Variants in CAAP1 observed in about 807,000 individuals in gnomAD.
CAAP1 encodes conserved anti-apoptotic protein.
A neutral mutation model predicts 34.0 loss-of-function variants in CAAP1; 20 were observed. That is an observed-to-expected ratio of 0.59 (90% CI 0.41 to 0.86). The LOEUF (loss-of-function observed/expected upper bound fraction) is 0.86. Among genes scored for constraint, CAAP1 ranks in the 40% least tolerant of loss-of-function variants. The probability of loss-of-function intolerance (pLI) is 0.00; values close to 1 mark genes in which losing one functional copy is unlikely to be tolerated. For synonymous variants in CAAP1, 213 were observed against 166.7 expected (o/e 1.28, Z -2.14); for missense variants, 538 against 450.5 (o/e 1.19, Z -1.76).
At position 26,841,410 on chromosome 9, in the gene CAAP1, TAAC is replaced by T. The variant is rs778396724; in HGVS notation, c.*888_*890del. On this transcript the variant is annotated 3_prime_UTR_variant, in exon 6 of 6. Transcript: ENST00000333916. ...AAACTATACAAAATTAGATTAATTA[TAAC>T]AACAACTTATCAAAGGTTCCTGAAA... 5.2e-5 allele frequency: 8 copies of T among 152,590 alleles called. No homozygotes were observed. Among genetic ancestry groups the T allele is most frequent in the South Asian group, 2.1e-4 (1 of 4,836 alleles). 9.5% of individuals were successfully genotyped at this position (152,590 alleles called of 1,614,324 possible).
chr9:26,849,344 C>A (rs1049431946), intron 5 of CAAP1, among the ~76,000 whole-genome samples: 1 of 152,128 alleles, frequency 6.6e-6, no homozygotes, highest in Non-Finnish European at 1.5e-5. Flanking sequence ...TCTCAAGTGC[C>A]CTAAATGGTA....
In CAAP1 at chr9:26,842,303, A is replaced by AGG; in HGVS notation, c.1082_1083dup (p.Ter362ProfsTer6). The AGG allele has an allele frequency of 6.4e-7, 1 of 1,559,710 alleles. No individual in the cohort carries two copies. The highest frequency in any genetic ancestry group is 1.4e-5 in the African/African-American group (1 of 72,714). ...AAATTCAAAATCAAGTTAAATACCT[A>AGG]GGCTGGCTTTTTTATATCACCAGCT... On this transcript the variant is annotated frameshift_variant, in exon 6 of 6. Transcript: ENST00000333916. LOFTEE classifies it high-confidence loss of function.
At chr9:26,854,319 T>G (rs948007097) in intron 5 of CAAP1, among the ~76,000 whole-genome samples, 1 of 152,212 alleles carries the variant, frequency 6.6e-6, no homozygotes, top group African/African-American at 2.4e-5. Context: ...ACAGAGAGTT[T>G]AAGTAACTTG....
chr9:26,877,175 T>A (rs1264273246), intron 4 of CAAP1, among the ~76,000 whole-genome samples: 1 of 152,156 alleles, frequency 6.6e-6, no homozygotes, highest in Non-Finnish European at 1.5e-5. Flanking sequence ...AAATATTGTA[T>A]AAAATTACCT....
chr9:26,855,525 T>C (rs541685064), intron 5 of CAAP1, among the ~76,000 whole-genome samples: 6 of 152,018 alleles, frequency 3.9e-5, no homozygotes, highest in South Asian at 4.2e-4. Context: ...TGGGGAAGAG[T>C]TGGTAAGCAG....
At chr9:26,854,110 T>C (rs1822815344) in intron 5 of CAAP1, among the ~76,000 whole-genome samples, 2 of 152,134 alleles carry the variant, frequency 1.3e-5, no homozygotes, top group African/African-American at 2.4e-5. Flanking sequence ...AACTGCCAGG[T>C]TGATACTGAG....
chr9:26,880,298 G>A (rs1823559193), intron 4 of CAAP1: 2 of 361,524 alleles, frequency 5.5e-6, no homozygotes, highest in Middle Eastern at 1.0e-3. Context: ...CGCTCTGGAC[G>A]CACTGGTCTG....
At chr9:26,875,324 T>C (rs1430207225) in intron 4 of CAAP1, among the ~76,000 whole-genome samples, 1 of 152,056 alleles carries the variant, frequency 6.6e-6, no homozygotes, top group Admixed American at 6.6e-5. Flanking sequence ...AGGTGGAGGC[T>C]GCAATGAGCT....
At chr9:26,884,715 TA>T in intron 4 of CAAP1, 94 bp downstream of exon 4, 1 of 911,966 alleles carries the variant, frequency 1.1e-6, no homozygotes, top group Non-Finnish European at 1.7e-6. Context: ...ATTTTATAAA[TA>T]AAACACAGAA....
chr9:26,849,629 T>G (rs1272318455), intron 5 of CAAP1, among the ~76,000 whole-genome samples: 1 of 152,210 alleles, frequency 6.6e-6, no homozygotes, highest in African/African-American at 2.4e-5. Context: ...TTTTTCTTGG[T>G]GGATTTCAAT....
chr9:26,861,565 A>G (rs1823002200), intron 4 of CAAP1, among the ~76,000 whole-genome samples: 1 of 152,180 alleles, frequency 6.6e-6, no homozygotes, highest in African/African-American at 2.4e-5. Context: ...TAATGTCTAC[A>G]GTATGTGGAA....
rs369741413 is a variant in CAAP1 at position 26,887,340 on chromosome 9, T to C, written c.477A>G (p.Leu159=). 5.0e-6 allele frequency: 8 copies of C among 1,605,230 alleles called. No homozygotes were observed. Among genetic ancestry groups the C allele is most frequent in the Non-Finnish European group, 6.8e-6 (8 of 1,175,140 alleles). The change falls in exon 2 of 6, where the codon TTA becomes TTG. Residue 159 remains leucine, a synonymous_variant. Coordinates refer to ENST00000333916, the MANE Select transcript of CAAP1 (RefSeq NM_024828.4). ...TTAACACATCAGGAAGCATCTTCTG[T>C]AACTTTTTCTCTCCTATAATACAGA... The part of the protein sequence containing the change: ...QCFCIIGEKK[L]QKMLPDVLKN...
chr9:26,882,922 T>C (rs1686138390), intron 4 of CAAP1, among the ~76,000 whole-genome samples: 1 of 152,198 alleles, frequency 6.6e-6, no homozygotes. Context: ...CAGACTTGCA[T>C]GGGGCCTGTA....
intron 4 of CAAP1, among the ~76,000 whole-genome samples, chr9:26,873,843 A>G (rs1035391412): frequency 5.3e-5 from 8 of 152,188 alleles, no homozygotes; most frequent in Non-Finnish European, 2.9e-5. Context: ...AATAAAATAT[A>G]AATTTGCTCA....
At chr9:26,865,627 A>T (rs1305082997) in intron 4 of CAAP1, among the ~76,000 whole-genome samples, 1 of 152,258 alleles carries the variant, frequency 6.6e-6, no homozygotes. Flanking sequence ...TTTTAGGAAC[A>T]GTCACTGTTA....
At position 26,884,543 on chromosome 9, in the gene CAAP1, G is replaced by A. The variant is rs552516720; in HGVS notation, c.665+267C>T. 7.2e-5 allele frequency among the ~76,000 whole-genome samples: 11 copies of A among 152,222 alleles called. No homozygotes were observed. In the South Asian group the frequency reaches 1.5e-3, roughly 20 times the overall value. ...GAATAGTGTATTCAAAATCCAAATG[G>A]GAGTGATTCTGCTTCAGGTTGGCAC... is the stretch of plus-strand genomic sequence containing the variant. On this transcript the variant is annotated intron_variant, in intron 4 of 5. Transcript: ENST00000333916.
At chr9:26,866,832 A>C (rs1823149771) in intron 4 of CAAP1, among the ~76,000 whole-genome samples, 1 of 152,172 alleles carries the variant, frequency 6.6e-6, no homozygotes, top group African/African-American at 2.4e-5. Context: ...CCAGAAGCCC[A>C]AAATCACTAC....
chr9:26,877,386 C>G (rs1823466187), intron 4 of CAAP1, among the ~76,000 whole-genome samples: 1 of 152,168 alleles, frequency 6.6e-6, no homozygotes, highest in African/African-American at 2.4e-5. Flanking sequence ...TAAGTGTACT[C>G]TATGACGTTT....
In CAAP1 at chr9:26,892,783, G is replaced by C. The variant is rs1191874156; in HGVS notation, c.-68C>G. On this transcript the variant is annotated 5_prime_UTR_variant, in exon 1 of 6. Coordinates refer to ENST00000333916, the MANE Select transcript of CAAP1 (RefSeq NM_024828.4). ...GGTGCGACCGAAGCCCGACTCCTGC[G>C]GCCGTGGGCGGCAGGCACTGGCGTC... is the stretch of plus-strand genomic sequence containing the variant. 7.0e-7 allele frequency: 1 copy of C among 1,428,444 alleles called. No individual in the cohort carries two copies. Among genetic ancestry groups the C allele is most frequent in the Admixed American group, 2.3e-5 (1 of 43,682 alleles). 88.5% of individuals were successfully genotyped at this position (1,428,444 alleles called of 1,614,324 possible). A position where few individuals can be genotyped will look rare whatever the true frequency, so the allele number is the denominator to read the frequency against.
Sources: gnomAD v4.1 joint callset for allele counts (sites outside exome capture counted in the v4.1 genomes callset) on GRCh38, gnomAD v4.1.1 for gene constraint, MANE v1.5 for transcripts, NCBI Gene and HGNC (gene_info 2026-07-23, HGNC 2026-07-21) for gene names.